ANKH: variants seen among roughly 807,000 people sequenced by gnomAD.
ANKH encodes the protein ANKH inorganic pyrophosphate transport regulator, also known as mineralization regulator ANKH.
ANKH carries 15 observed loss-of-function variants against 49.0 expected under a neutral mutation model. The observed-to-expected ratio is 0.31, with a 90% CI of 0.20 to 0.47. The LOEUF is 0.47. Ranked by LOEUF, ANKH falls within the 20% of genes least tolerant of loss-of-function variation. The probability of loss-of-function intolerance (pLI) is 1.00; values close to 1 mark genes in which losing one functional copy is unlikely to be tolerated. For synonymous variants in ANKH, 273 were observed against 260.0 expected (o/e 1.05, Z -0.48); for missense variants, 429 against 652.0 (o/e 0.66, Z 3.72).
intron 8 of ANKH, among the ~76,000 whole-genome samples, chr5:14,728,373 A>G (rs1242378915): frequency 1.3e-5 from 2 of 152,250 alleles, no homozygotes; most frequent in Non-Finnish European, 2.9e-5. Flanking sequence ...CTAAGCTGCT[A>G]AACTGTTCAG....
At chr5:14,722,054 C>A (rs1250099468) in intron 8 of ANKH, among the ~76,000 whole-genome samples, 2 of 151,030 alleles carry the variant, frequency 1.3e-5, no homozygotes, top group African/African-American at 4.9e-5. Context: ...AATAATCAGA[C>A]TACATTTAAC....
chr5:14,711,540 G>A (rs114593463), intron 11 of ANKH, among the ~76,000 whole-genome samples: 24 of 152,260 alleles, frequency 1.6e-4, no homozygotes, highest in Middle Eastern at 3.4e-3. Context: ...CAGGCACTTC[G>A]GAGGACACCA....
At chr5:14,790,201 A>G (rs1005865957) in intron 1 of ANKH, among the ~76,000 whole-genome samples, 1 of 152,256 alleles carries the variant, frequency 6.6e-6, no homozygotes, top group Middle Eastern at 3.2e-3. Context: ...ACCTTTCTCC[A>G]TAATTACTTA....
At chr5:14,858,396 A>G (rs1274123802) in intron 1 of ANKH, among the ~76,000 whole-genome samples, 1 of 152,212 alleles carries the variant, frequency 6.6e-6, no homozygotes, top group Non-Finnish European at 1.5e-5. Context: ...GATAAAAAGT[A>G]GGGAAAGGTT....
chr5:14,722,434 C>A (rs776724451), intron 8 of ANKH, among the ~76,000 whole-genome samples: 2 of 152,060 alleles, frequency 1.3e-5, no homozygotes, highest in African/African-American at 2.4e-5. Context: ...AACCAGGATT[C>A]CTTAGAGAAA....
At chr5:14,733,122 C>T (rs1218344905) in intron 8 of ANKH, among the ~76,000 whole-genome samples, 1 of 152,194 alleles carries the variant, frequency 6.6e-6, no homozygotes, top group East Asian at 1.9e-4. Context: ...GAGCCATCTC[C>T]AGGGAGGACT....
chr5:14,763,147 G>A (rs557181162), intron 2 of ANKH, among the ~76,000 whole-genome samples: 94 of 152,274 alleles, frequency 6.2e-4, no homozygotes, highest in Non-Finnish European at 9.1e-4. Flanking sequence ...AATATGAACC[G>A]AAATAAGTCT....
chr5:14,715,581 T>G (rs797020178), intron 9 of ANKH, among the ~76,000 whole-genome samples: 39 of 152,352 alleles, frequency 2.6e-4, no homozygotes, highest in African/African-American at 9.1e-4. Context: ...TACAAAGGTC[T>G]TCTTCCCAGT....
chr5:14,845,745 T>C (rs1476783481), intron 1 of ANKH, among the ~76,000 whole-genome samples: 1 of 151,618 alleles, frequency 6.6e-6, no homozygotes, highest in Non-Finnish European at 1.5e-5. Flanking sequence ...TTACCACAGG[T>C]GCTGGGCAAC....
At chr5:14,739,905 A>C (rs868380067) in intron 8 of ANKH, among the ~76,000 whole-genome samples, 1 of 152,252 alleles carries the variant, frequency 6.6e-6, no homozygotes, top group African/African-American at 2.4e-5. Flanking sequence ...TGGTTTTTAG[A>C]TAGAGGATTA....
chr5:14,837,822 C>CA (rs1467276678), intron 1 of ANKH, among the ~76,000 whole-genome samples: 1 of 152,176 alleles, frequency 6.6e-6, no homozygotes, highest in Admixed American at 6.5e-5. Context: ...GACACATGGA[C>CA]ACGTATGTTT....
chr5:14,785,888 A>T (rs1386097148), intron 1 of ANKH, among the ~76,000 whole-genome samples: 1 of 150,836 alleles, frequency 6.6e-6, no homozygotes, highest in Non-Finnish European at 1.5e-5. Context: ...TACTAAAAAT[A>T]AAAAAAAATT....
In ANKH at chr5:14,775,058, CT is replaced by C. The variant is rs33960345; in HGVS notation, c.97-5868del. ...CTATACATACACACACATAAGTCCC[CT>C]TTTTTTTCTTTTTTTGAGATGGGGT... On this transcript the variant is annotated intron_variant, in intron 1 of 11. Coordinates refer to ENST00000284268, the MANE Select transcript of ANKH (RefSeq NM_054027.6). Among the ~76,000 whole-genome samples the C allele has an allele frequency of 4.6e-5, 7 of 151,140 alleles. No individual in the cohort carries two copies. The South Asian group carries it at 6.3e-4, about 14-fold the overall frequency.
At chr5:14,750,941 C>T in intron 5 of ANKH, 128 bp downstream of exon 5, 8 of 1,165,626 alleles carry the variant, frequency 6.9e-6, no homozygotes, top group Non-Finnish European at 1.0e-5. Flanking sequence ...AGCACTTGGC[C>T]TCTGGGTATG....
At chr5:14,719,463 G>A (rs1442022631) in intron 8 of ANKH, among the ~76,000 whole-genome samples, 3 of 152,182 alleles carry the variant, frequency 2.0e-5, no homozygotes, top group Non-Finnish European at 4.4e-5. Flanking sequence ...TGAAGGCTGC[G>A]ATAGGCCCAC....
At chr5:14,844,178 A>C (rs1741893003) in intron 1 of ANKH, among the ~76,000 whole-genome samples, 1 of 152,206 alleles carries the variant, frequency 6.6e-6, no homozygotes, top group Non-Finnish European at 1.5e-5. Flanking sequence ...TAAAGCCTTT[A>C]AAATAGATAT....
chr5:14,720,660 T>C (rs1165144294), intron 8 of ANKH, among the ~76,000 whole-genome samples: 1 of 152,192 alleles, frequency 6.6e-6, no homozygotes, highest in Non-Finnish European at 1.5e-5. Flanking sequence ...CCTTAGAACC[T>C]ACAGGAAGTA....
chr5:14,791,552 T>G (rs1175065052), intron 1 of ANKH, among the ~76,000 whole-genome samples: 1 of 152,180 alleles, frequency 6.6e-6, no homozygotes, highest in Non-Finnish European at 1.5e-5. Flanking sequence ...TGCATAAAAA[T>G]TGGTTTTGAA....
At chr5:14,850,303 G>A (rs148044613) in intron 1 of ANKH, among the ~76,000 whole-genome samples, 11 of 152,356 alleles carry the variant, frequency 7.2e-5, no homozygotes, top group African/African-American at 2.6e-4. Flanking sequence ...CTGGCCCTGA[G>A]CTAAATGTGT....
Sources: allele counts gnomAD v4.1 joint callset (sites outside exome capture counted in the v4.1 genomes callset), GRCh38; gene constraint gnomAD v4.1.1; transcripts MANE v1.5; gene names NCBI Gene and HGNC (gene_info 2026-07-23, HGNC 2026-07-21).